The following FKBP9 variants were observed in gnomAD, a reference collection of about 807,000 sequenced individuals.
FKBP9 encodes FKBP prolyl isomerase 9.
FKBP9 carries 27 observed loss-of-function variants against 55.6 expected under a neutral mutation model. That is an observed-to-expected ratio of 0.49 (90% CI 0.36 to 0.67). FKBP9 has a LOEUF of 0.67. Among genes scored for constraint, FKBP9 ranks in the 30% least tolerant of loss-of-function variants. The pLI is 0.00. For missense variants in FKBP9, 539 were observed against 742.8 expected (o/e 0.73, Z 3.19); for synonymous variants, 267 against 296.5 (o/e 0.90, Z 1.02).
At chr7:33,000,094 G>A (rs759103068) in intron 7 of FKBP9, 21 bp from the exon 8 acceptor site, 3 of 1,614,088 alleles carry the variant, frequency 1.9e-6, no homozygotes, top group African/African-American at 1.3e-5. Context: ...CCTAACATGA[G>A]GCTCTTCTGT....
At chr7:32,970,164 A>T (rs1583845251) in intron 1 of FKBP9, among the ~76,000 whole-genome samples, 1 of 152,050 alleles carries the variant, frequency 6.6e-6, no homozygotes, top group South Asian at 2.1e-4. Flanking sequence ...TGAACGAGAA[A>T]TGTCTTTCCA....
chr7:32,965,847 G>GTACACATATATATATATA (rs1323725996), intron 1 of FKBP9, among the ~76,000 whole-genome samples: 548 of 34,882 alleles, frequency 0.016, 19 homozygotes, highest in Non-Finnish European at 0.022. Flanking sequence ...ATATATATGT[G>GTACACATATATATATATA]TGTACAGATA....
chr7:32,965,330 C>T (rs981390588), intron 1 of FKBP9, among the ~76,000 whole-genome samples: 22 of 151,898 alleles, frequency 1.4e-4, no homozygotes, highest in Non-Finnish European at 7.4e-5. Context: ...AAGGTTTTGC[C>T]ATGTTGCCCA....
intron 7 of FKBP9, among the ~76,000 whole-genome samples, chr7:32,997,300 G>A (rs940290163): frequency 5.9e-5 from 9 of 152,132 alleles, no homozygotes; most frequent in African/African-American, 1.9e-4. Context: ...TCAAACTCCT[G>A]GGTTCAGGTG....
At chr7:32,986,295 C>T (rs1390075772) in intron 5 of FKBP9, among the ~76,000 whole-genome samples, 2 of 152,212 alleles carry the variant, frequency 1.3e-5, no homozygotes, top group Non-Finnish European at 2.9e-5. Flanking sequence ...GGCAGCAATC[C>T]CCGCTGTGGG....
chr7:32,965,407 C>T (rs913986168), intron 1 of FKBP9, among the ~76,000 whole-genome samples: 17 of 152,052 alleles, frequency 1.1e-4, no homozygotes, highest in Admixed American at 4.6e-4. Flanking sequence ...CTGGGATTAC[C>T]GCTTGAGCCA....
At chr7:32,965,007 C>T (rs148665776) in intron 1 of FKBP9, among the ~76,000 whole-genome samples, 3,288 of 152,314 alleles carry the variant, frequency 0.022, 57 homozygotes, top group African/African-American at 0.074. Context: ...TGTGAGTCAG[C>T]CATCTGAGTT....
chr7:32,977,888 TATACACTCATATATATATACTC>T (rs1411032164), intron 4 of FKBP9, among the ~76,000 whole-genome samples: 1 of 142,566 alleles, frequency 7.0e-6, no homozygotes, highest in East Asian at 2.0e-4. Context: ...TATATGTATA[TATACACTCATATATATATACTC>T]ATATATATAT....
intron 7 of FKBP9, among the ~76,000 whole-genome samples, chr7:32,996,765 A>T (rs969286992): frequency 0.05 from 1,177 of 23,724 alleles, no homozygotes; most frequent in Non-Finnish European, 0.06. Context: ...TTTTTTTTTG[A>T]TAAAGTCTCA....
chr7:32,966,300 GTC>G (rs1384573282), intron 1 of FKBP9, among the ~76,000 whole-genome samples: 7 of 151,324 alleles, frequency 4.6e-5, no homozygotes, highest in Admixed American at 4.6e-4. Flanking sequence ...TGACTATGAT[GTC>G]TCTTGTCTTA....
intron 9 of FKBP9, among the ~76,000 whole-genome samples, chr7:33,003,620 G>A (rs565699108): frequency 9.2e-5 from 14 of 152,172 alleles, no homozygotes; most frequent in East Asian, 5.8e-4. Context: ...CTTCCGTATC[G>A]CGGAATCCAG....
At chr7:32,991,357 G>T (rs1357537145) in intron 6 of FKBP9, among the ~76,000 whole-genome samples, 1 of 151,970 alleles carries the variant, frequency 6.6e-6, no homozygotes, top group Non-Finnish European at 1.5e-5. Context: ...TGACCCTGAG[G>T]TATAAACCCC....
At chr7:32,988,290 C>T (rs1328872443) in intron 5 of FKBP9, among the ~76,000 whole-genome samples, 2 of 152,206 alleles carry the variant, frequency 1.3e-5, no homozygotes, top group African/African-American at 2.4e-5. Flanking sequence ...GGCCACATGG[C>T]GTGTCCCTAC....
intron 1 of FKBP9, chr7:32,963,486 A>T: frequency 3.5e-6 from 2 of 564,176 alleles, no homozygotes; most frequent in South Asian, 8.2e-5. Context: ...AATTCTAGAG[A>T]TCAGCCTCAT....
At chr7:33,005,111 T>C in intron 9 of FKBP9, 64 bp from the exon 10 acceptor site, 1 of 1,576,976 alleles carries the variant, frequency 6.3e-7, no homozygotes, top group Non-Finnish European at 8.6e-7. Context: ...GCTCTGTTTC[T>C]GGCCCCAGGC....
intron 1 of FKBP9, among the ~76,000 whole-genome samples, chr7:32,972,226 G>A (rs1784266530): frequency 6.6e-6 from 1 of 152,134 alleles, no homozygotes; most frequent in African/African-American, 2.4e-5. Flanking sequence ...GGGTGGAGGT[G>A]TAAAGCTGAC....
At chr7:32,986,312 C>T (rs1162505465) in intron 5 of FKBP9, among the ~76,000 whole-genome samples, 1 of 152,224 alleles carries the variant, frequency 6.6e-6, no homozygotes, top group Non-Finnish European at 1.5e-5. Flanking sequence ...TGGGTACCTG[C>T]CATCTCTCTC....
At chr7:32,991,804 CA>C (rs1784689243) in intron 6 of FKBP9, among the ~76,000 whole-genome samples, 5 of 152,106 alleles carry the variant, frequency 3.3e-5, no homozygotes, top group Admixed American at 3.3e-4. Flanking sequence ...GTGTAAGCAT[CA>C]CTTCATCGAT....
At position 32,957,696 on chromosome 7, in the gene FKBP9, C is replaced by T; in HGVS notation, c.123C>T (p.Arg41=). 1 of 1,538,582 alleles carries T rather than the reference C, an allele frequency of 6.5e-7. No individual in the cohort carries two copies. The highest frequency in any genetic ancestry group is 8.7e-7 in the Non-Finnish European group (1 of 1,152,032). ...GSDAELQIER[R]FVPDECPRTV... Reference sequence around the variant, plus strand: ...ACGCGGAGCTGCAGATCGAGCGGCGCTTCGTGCCCGACGAGTGCCCGCGCA... The same window carrying T: ...ACGCGGAGCTGCAGATCGAGCGGCGTTTCGTGCCCGACGAGTGCCCGCGCA... Residue 41 remains arginine, a synonymous_variant, in exon 1 of 10, where the codon CGC becomes CGT. Transcript: ENST00000242209.
Sources: gnomAD v4.1 joint callset for allele counts (sites outside exome capture counted in the v4.1 genomes callset) on GRCh38, gnomAD v4.1.1 for gene constraint, MANE v1.5 for transcripts, NCBI Gene and HGNC (gene_info 2026-07-23, HGNC 2026-07-21) for gene names.